Variants in NSL1 observed in about 807,000 individuals in gnomAD.
NSL1 encodes the protein kinetochore-associated protein NSL1 homolog.
Under a neutral mutation model 25.4 loss-of-function variants are expected in NSL1, and 11 were observed. The ratio of observed to expected loss-of-function variants is 0.43; its 90% CI spans 0.27 to 0.72. NSL1 has a LOEUF of 0.72. Among genes scored for constraint, NSL1 ranks in the 30% least tolerant of loss-of-function variants. The pLI is 0.19. For synonymous variants in NSL1, 118 were observed against 120.6 expected (o/e 0.98, Z 0.14); for missense variants, 330 against 342.7 (o/e 0.96, Z 0.29).
chr1:212,779,005 C>G (rs528767169), intron 4 of NSL1, among the ~76,000 whole-genome samples: 3,389 of 150,742 alleles, frequency 0.022, 53 homozygotes, highest in South Asian at 0.04. Context: ...AGCGTCTCTG[C>G]CCGGCCGCCC....
intron 4 of NSL1, among the ~76,000 whole-genome samples, chr1:212,779,791 A>G (rs1217957550): frequency 8.5e-6 from 1 of 117,956 alleles, no homozygotes; most frequent in Non-Finnish European, 1.8e-5. Flanking sequence ...TGGGGGGGTC[A>G]GCCCCCCGCC....
intron 4 of NSL1, among the ~76,000 whole-genome samples, chr1:212,753,723 T>C (rs74473682): frequency 0.023 from 3,469 of 152,300 alleles, 63 homozygotes; most frequent in South Asian, 0.042. Context: ...ATGCTGGCTA[T>C]ATATAATGTA....
intron 3 of NSL1, 178 bp downstream of exon 3, chr1:212,784,185 C>G (rs558104798): frequency 2.0e-5 from 8 of 396,132 alleles, no homozygotes; most frequent in Middle Eastern, 7.1e-4. Flanking sequence ...TATAGTATGA[C>G]TATACTATGT....
intron 4 of NSL1, among the ~76,000 whole-genome samples, chr1:212,746,059 T>C (rs1658777100): frequency 6.6e-6 from 1 of 152,220 alleles, no homozygotes; most frequent in Non-Finnish European, 1.5e-5. Context: ...TGTTTCAGGC[T>C]GAAATGAAAG....
intron 4 of NSL1, among the ~76,000 whole-genome samples, chr1:212,770,115 A>G (rs913723757): frequency 1.3e-5 from 2 of 152,144 alleles, no homozygotes; most frequent in Non-Finnish European, 2.9e-5. Flanking sequence ...TTACATAATG[A>G]TAAAGGGATC....
intron 1 of NSL1, among the ~76,000 whole-genome samples, chr1:212,789,416 T>C (rs1020132117): frequency 2.0e-5 from 3 of 152,188 alleles, no homozygotes; most frequent in East Asian, 1.9e-4. Context: ...TTCACCGTGT[T>C]GGCCAGGCTG....
chr1:212,753,777 G>C (rs1011690456), intron 4 of NSL1, among the ~76,000 whole-genome samples: 4 of 152,198 alleles, frequency 2.6e-5, no homozygotes, highest in Non-Finnish European at 4.4e-5. Flanking sequence ...TTTTGTGAGA[G>C]AGCATAAACA....
rs954905152 is a variant in NSL1 at position 212,730,049 on chromosome 1, G to A, written c.*8359C>T. The stretch of plus-strand genomic sequence containing the variant: ...GTGGATCACCTGAGGTCAGGAGTTC[G>A]AGACCAGCCTGACCAACATGGCAAA... On this transcript the variant is annotated 3_prime_UTR_variant, in exon 6 of 6. Transcript: ENST00000366977. The A allele has an allele frequency of 5.0e-5, 46 of 923,076 alleles. No homozygotes were observed. Among genetic ancestry groups the A allele is most frequent in the Admixed American group, 6.2e-5 (1 of 16,146 alleles). The allele number at this position is 923,076 out of a possible 1,614,324, so 57.2% of individuals were successfully genotyped here. A position where few individuals can be genotyped will look rare whatever the true frequency, so the allele number is the denominator to read the frequency against.
chr1:212,730,565 G>A lies in NSL1; in HGVS notation c.*7843C>T, dbSNP rs528160728. 5.1e-4 allele frequency: 505 copies of A among 985,386 alleles called. No homozygotes were observed. The highest frequency in any genetic ancestry group is 5.8e-4 in the Non-Finnish European group (483 of 829,908). The allele number at this position is 985,386 out of a possible 1,614,324, so 61.0% of individuals were successfully genotyped here. A position where few individuals can be genotyped will look rare whatever the true frequency, so the allele number is the denominator to read the frequency against. On this transcript the variant is annotated 3_prime_UTR_variant, in exon 6 of 6. Transcript: ENST00000366977. Reference sequence around the variant, plus strand: ...AGCTGGAGCAGAAGACCTGCAGGGAGAAGTTGAATTTTCTTCTCTAGCTAT... The same window carrying A: ...AGCTGGAGCAGAAGACCTGCAGGGAAAAGTTGAATTTTCTTCTCTAGCTAT...
rs115210908 is a variant in NSL1 at position 212,766,195 on chromosome 1, G to A, written c.499+16177C>T. On this transcript the variant is annotated intron_variant, in intron 4 of 5. Transcript: ENST00000366977. Reference sequence around the variant, plus strand: ...AGGCAAAGAAGAGACTTACCTCGAAGTAATAAAAACCATATATGACAAATC... The same window carrying A: ...AGGCAAAGAAGAGACTTACCTCGAAATAATAAAAACCATATATGACAAATC... The A allele has an allele frequency of 1.1e-3, 724 of 633,028 alleles. 3 individuals carry two copies. The African/African-American group carries it at 0.012, about 10-fold the overall frequency. The allele number at this position is 633,028 out of a possible 1,614,324, so 39.2% of individuals were successfully genotyped here.
chr1:212,788,715 A>G (rs1661052451), intron 1 of NSL1, among the ~76,000 whole-genome samples: 1 of 152,228 alleles, frequency 6.6e-6, no homozygotes, highest in Admixed American at 6.5e-5. Flanking sequence ...TCATTTCAGC[A>G]CTGTTTGAAA....
Position 212,731,181 on chromosome 1 carries a change from G to A in NSL1, c.*7227C>T, listed in dbSNP as rs574723624. On this transcript the variant is annotated 3_prime_UTR_variant, in exon 6 of 6. Transcript: ENST00000366977. ...TCTATTTGCAAAACAAATGGTCAGA[G>A]GGGAGAAAAAAAAAAAAACCTGAAG... 415 of 906,522 alleles carry A rather than the reference G, an allele frequency of 4.6e-4. No individual in the cohort carries two copies. The highest frequency in any genetic ancestry group is 1.6e-3 in the South Asian group (29 of 18,124). The allele number at this position is 906,522 out of a possible 1,614,324, so 56.2% of individuals were successfully genotyped here.
At position 212,737,304 on chromosome 1, in the gene NSL1, T is replaced by G; in HGVS notation, c.*1104A>C. 2.0e-6 allele frequency: 2 copies of G among 985,250 alleles called. No homozygotes were observed. Among genetic ancestry groups the G allele is most frequent in the Non-Finnish European group, 2.4e-6 (2 of 829,732 alleles). The allele number at this position is 985,250 out of a possible 1,614,324, so 61.0% of individuals were successfully genotyped here. On this transcript the variant is annotated 3_prime_UTR_variant, in exon 6 of 6. Transcript: ENST00000366977. The stretch of plus-strand genomic sequence containing the variant: ...CTGAGACAGACCTTCTGGTGACTTC[T>G]GGTGAATCTAGACATTTATGATTAT...
rs542184424 is a variant in NSL1, at chr1:212,732,584, G to A, written c.*5824C>T. On this transcript the variant is annotated 3_prime_UTR_variant, in exon 6 of 6. Coordinates refer to ENST00000366977, the MANE Select transcript of NSL1 (RefSeq NM_015471.4). Reference sequence around the variant, plus strand: ...GCTGGGATTACAGGTGTGAGCCACCGCACCCGGCCTACATAGTCTTATTCC... The same window carrying A: ...GCTGGGATTACAGGTGTGAGCCACCACACCCGGCCTACATAGTCTTATTCC... 195 of 982,852 alleles carry A rather than the reference G, an allele frequency of 2.0e-4. No individual in the cohort carries two copies. The highest frequency in any genetic ancestry group is 2.2e-4 in the Non-Finnish European group (183 of 827,646). 60.9% of individuals were successfully genotyped at this position (982,852 alleles called of 1,614,324 possible).
Position 212,761,962 on chromosome 1 carries a change from C to T in NSL1, c.499+20410G>A, listed in dbSNP as rs111227088. The stretch of plus-strand genomic sequence containing the variant: ...TAAAATACAGTAACACTAATGACAG[C>T]TGATGAGCTAAAAAAAAAAAAAAAA... On this transcript the variant is annotated intron_variant, in intron 4 of 5. Coordinates refer to ENST00000366977, the MANE Select transcript of NSL1 (RefSeq NM_015471.4). Among the ~76,000 whole-genome samples, 705 of 130,726 alleles carry T rather than the reference C, an allele frequency of 5.4e-3. 5 individuals are homozygous for T. The highest frequency in any genetic ancestry group is 0.02 in the African/African-American group (671 of 33,576). The allele number at this position is 130,726 out of a possible 152,430, so 85.8% of individuals were successfully genotyped here.
chr1:212,755,785 T>C (rs1659280301), intron 4 of NSL1, among the ~76,000 whole-genome samples: 3 of 151,900 alleles, frequency 2.0e-5, no homozygotes, highest in Admixed American at 6.6e-5. Context: ...ATGTAATTAT[T>C]AAAAATTTTA....
At chr1:212,774,034 G>A (rs1414240224) in intron 4 of NSL1, among the ~76,000 whole-genome samples, 1 of 152,100 alleles carries the variant, frequency 6.6e-6, no homozygotes, top group Admixed American at 6.5e-5. Context: ...AGTTACCAGA[G>A]GCTGGGAAGG....
intron 4 of NSL1, among the ~76,000 whole-genome samples, chr1:212,742,643 T>C (rs1478876783): frequency 6.6e-6 from 1 of 152,096 alleles, no homozygotes; most frequent in African/African-American, 2.4e-5. Flanking sequence ...GATCATACTG[T>C]CGAAAGGTGA....
At chr1:212,755,509 T>C (rs1363426505) in intron 4 of NSL1, among the ~76,000 whole-genome samples, 1 of 151,466 alleles carries the variant, frequency 6.6e-6, no homozygotes, top group Admixed American at 6.6e-5. Context: ...ATAAAAACCA[T>C]GGAGTTGAAC....
Sources: gnomAD v4.1 joint callset for allele counts (sites outside exome capture counted in the v4.1 genomes callset) on GRCh38, gnomAD v4.1.1 for gene constraint, MANE v1.5 for transcripts, NCBI Gene and HGNC (gene_info 2026-07-23, HGNC 2026-07-21) for gene names.